Variants in SMDT1 observed in about 807,000 individuals in gnomAD.
SMDT1 encodes the protein single-pass membrane protein with aspartate rich tail 1, also known as essential MCU regulator, mitochondrial.
SMDT1 carries 6 observed loss-of-function variants against 5.9 expected under a neutral mutation model. That is an observed-to-expected ratio of 1.03 (90% CI 0.56 to 2.02). SMDT1 has a LOEUF of 2.02. SMDT1 is among the 30% of genes most tolerant of loss of function. The probability of loss-of-function intolerance (pLI) is 0.00; values close to 1 mark genes in which losing one functional copy is unlikely to be tolerated. For missense variants in SMDT1, 159 were observed against 145.6 expected, an observed-to-expected ratio of 1.09 and a Z score of -0.47; for synonymous variants, 81 against 62.4, an observed-to-expected ratio of 1.30 and a Z score of -1.40.
Position 42,083,167 on chromosome 22 carries a change from A to G in SMDT1, c.*52A>G, listed in dbSNP as rs1261109102. The stretch of plus-strand genomic sequence containing the variant: ...TAACTGAAGAAATGGTGATGCTCTC[A>G]GTTTCTCTGCCTTCCCTATCAGCAG... On this transcript the variant is annotated 3_prime_UTR_variant, in exon 3 of 3. Transcript: ENST00000331479. The G allele has an allele frequency of 1.3e-5, 2 of 152,620 alleles. No individual in the cohort carries two copies. Among genetic ancestry groups the G allele is most frequent in the African/African-American group, 2.4e-5 (1 of 41,444 alleles). The allele number at this position is 152,620 out of a possible 1,614,324, so 9.5% of individuals were successfully genotyped here.
Position 42,081,979 on chromosome 22 carries a change from G to C in SMDT1, c.241G>C (p.Gly81Arg), listed in dbSNP as rs780449487. The C allele has an allele frequency of 6.2e-7, 1 of 1,613,904 alleles. No homozygotes were observed. Among genetic ancestry groups the C allele is most frequent in the South Asian group, 1.1e-5 (1 of 91,080 alleles). The stretch of plus-strand genomic sequence containing the variant: ...CATTGTGATCCCCTTTCTCTATGTC[G>C]GGACACTCATTAGCAAGAACTTTGC... ...FSIVIPFLYV[G>R]TLISKNFAAL... The change falls in exon 2 of 3, where the codon GGG becomes CGG. Residue 81 changes from glycine to arginine, a missense_variant. By Grantham distance (125) the Gly-to-Arg change is moderately radical. Transcript: ENST00000331479.
chr22:42,082,238 G>A, intron 2 of SMDT1, 173 bp downstream of exon 2: 3 of 796,258 alleles, frequency 3.8e-6, no homozygotes, highest in Non-Finnish European at 5.9e-6. Flanking sequence ...TTTCGCTCTT[G>A]TTGCCCAGGC....
chr22:42,082,139 A>G (rs1927837249), intron 2 of SMDT1, 74 bp downstream of exon 2: 2 of 1,575,140 alleles, frequency 1.3e-6, no homozygotes, highest in Admixed American at 1.7e-5. Flanking sequence ...CTGGCCTGGT[A>G]GCAGCATTTG....
At chr22:42,082,856 C>T (rs971711579) in intron 2 of SMDT1, among the ~76,000 whole-genome samples, 19 of 152,276 alleles carry the variant, frequency 1.2e-4, no homozygotes, top group African/African-American at 3.1e-4. Context: ...TTCAAATACT[C>T]GGTATTATGT....
At position 42,084,131 on chromosome 22, in the gene SMDT1, G is replaced by T. The variant is rs968075399; in HGVS notation, c.*1016G>T. The T allele has an allele frequency of 6.6e-6, 1 of 152,228 alleles. No homozygotes were observed. The highest frequency in any genetic ancestry group is 1.5e-5 in the Non-Finnish European group (1 of 68,062). 9.4% of individuals were successfully genotyped at this position (152,228 alleles called of 1,614,324 possible). ...TCTCCATAAAAGGCCCAAGAAGACAGGTTTAGAGAGCTTTCGGAGAACAGA... is the reference window on the plus strand; with the variant it reads ...TCTCCATAAAAGGCCCAAGAAGACATGTTTAGAGAGCTTTCGGAGAACAGA... On this transcript the variant is annotated 3_prime_UTR_variant, in exon 3 of 3. Transcript: ENST00000331479.
At chr22:42,082,323 T>A (rs2146863641) in intron 2 of SMDT1, 1 of 411,094 alleles carries the variant, frequency 2.4e-6, no homozygotes, top group Non-Finnish European at 4.5e-6. Flanking sequence ...TGCCTCAGCC[T>A]ACCGGGTAGC....
chr22:42,082,275 C>T (rs917192315), intron 2 of SMDT1: 3 of 552,644 alleles, frequency 5.4e-6, no homozygotes, highest in Middle Eastern at 4.9e-4. Context: ...GATCTCGACT[C>T]ACTGCAACCT....
chr22:42,081,514 G>A (rs1927783687), intron 1 of SMDT1, among the ~76,000 whole-genome samples: 1 of 149,996 alleles, frequency 6.7e-6, no homozygotes, highest in African/African-American at 2.5e-5. Flanking sequence ...AGGCTGGAGT[G>A]GAATGGTGCA....
rs1927644070 is a variant in SMDT1 at position 42,079,971 on chromosome 22, A to T, written c.186+17A>T. 6.2e-7 allele frequency: 1 copy of T among 1,603,566 alleles called. No homozygotes were observed. The highest frequency in any genetic ancestry group is 1.3e-5 in the African/African-American group (1 of 74,654). The stretch of plus-strand genomic sequence containing the variant: ...CCGGTGAAAGTGAGTGTCCTCCTGG[A>T]GACGGGGCGAAGGGGCTGAGGCCAA... On this transcript the variant is annotated intron_variant, in intron 1 of 2. Coordinates refer to ENST00000331479, the MANE Select transcript of SMDT1 (RefSeq NM_033318.5).
Position 42,084,020 on chromosome 22 carries a change from A to C in SMDT1, c.*905A>C, listed in dbSNP as rs1927988622. 1 of 151,900 alleles carries C rather than the reference A, an allele frequency of 6.6e-6. No homozygotes were observed. The allele number at this position is 151,900 out of a possible 1,614,324, so 9.4% of individuals were successfully genotyped here. A position where few individuals can be genotyped will look rare whatever the true frequency, so the allele number is the denominator to read the frequency against. ...TAGACAGGCCTTGTTGGACTTCCCC[A>C]CTCCATCTGTATTAGATTATGCCTC... On this transcript the variant is annotated 3_prime_UTR_variant, in exon 3 of 3. Transcript: ENST00000331479.
At chr22:42,080,389 G>A (rs1280593589) in intron 1 of SMDT1, among the ~76,000 whole-genome samples, 1 of 152,186 alleles carries the variant, frequency 6.6e-6, no homozygotes, top group Non-Finnish European at 1.5e-5. Flanking sequence ...TTTAATTCAT[G>A]TGATTTACAG....
intron 1 of SMDT1, among the ~76,000 whole-genome samples, chr22:42,080,618 A>T (rs781218065): frequency 6.6e-6 from 1 of 152,228 alleles, no homozygotes; most frequent in Non-Finnish European, 1.5e-5. Context: ...ATATCAAGCG[A>T]AAGTTTGCTT....
rs777853404 is a variant in SMDT1 at position 42,079,930 on chromosome 22, C to T, written c.162C>T (p.Gly54=). The part of the protein sequence containing the change: ...PSRSVIVTRS[G]AILPKPVKMS... Reference sequence around the variant, plus strand: ...GGTCAGTCATCGTTACCCGCAGCGGCGCCATTTTGCCCAAACCGGTGAAAG... The same window carrying T: ...GGTCAGTCATCGTTACCCGCAGCGGTGCCATTTTGCCCAAACCGGTGAAAG... Residue 54 remains glycine (G), a synonymous_variant, in exon 1 of 3, where the codon GGC becomes GGT. Transcript: ENST00000331479. 6.2e-6 allele frequency: 10 copies of T among 1,612,894 alleles called. No homozygotes were observed. In the Admixed American group the frequency reaches 1.5e-4, roughly 24 times the overall value.
At chr22:42,082,224 G>A (rs955739838) in intron 2 of SMDT1, 159 bp downstream of exon 2, 2 of 901,916 alleles carry the variant, frequency 2.2e-6, no homozygotes, top group African/African-American at 1.7e-5. Context: ...TTTTTGAGAC[G>A]GAGTTTCGCT....
intron 1 of SMDT1, among the ~76,000 whole-genome samples, chr22:42,081,339 G>C (rs1927768194): frequency 6.6e-6 from 1 of 152,030 alleles, no homozygotes; most frequent in African/African-American, 2.4e-5. Flanking sequence ...CTAATTTTTT[G>C]TATTTTTAGT....
At chr22:42,082,345 A>G (rs2146863670) in intron 2 of SMDT1, 1 of 355,442 alleles carries the variant, frequency 2.8e-6, no homozygotes. Flanking sequence ...GGGATTACAG[A>G]CATGCGCCAC....
intron 2 of SMDT1, 117 bp downstream of exon 2, chr22:42,082,182 C>T: frequency 7.7e-7 from 1 of 1,300,586 alleles, no homozygotes; most frequent in Non-Finnish European, 1.1e-6. Context: ...ATGAATTGGC[C>T]CACTTGGTGG....
intron 1 of SMDT1, among the ~76,000 whole-genome samples, chr22:42,080,156 C>T (rs1927666414): frequency 6.6e-6 from 1 of 152,094 alleles, no homozygotes; most frequent in Non-Finnish European, 1.5e-5. Flanking sequence ...GGGGGGCAAA[C>T]GCTGAGGAAG....
chr22:42,079,860 T>C lies in SMDT1; in HGVS notation c.92T>C (p.Val31Ala). 1.9e-6 allele frequency: 3 copies of C among 1,614,116 alleles called. No homozygotes were observed. The highest frequency in any genetic ancestry group is 2.5e-6 in the Non-Finnish European group (3 of 1,180,012). The change falls in exon 1 of 3, where the codon GTC becomes GCC. Residue 31 changes from valine (V) to alanine (A), a missense_variant. By Grantham distance (64) the Val-to-Ala change is moderately conservative. Coordinates refer to ENST00000331479, the MANE Select transcript of SMDT1 (RefSeq NM_033318.5). Reference protein sequence around the residue: ...SGPSLRKDGDVSAAWSGSGRS... With the variant: ...SGPSLRKDGDASAAWSGSGRS... ...CCTAGCTTGAGGAAAGATGGCGATGTCTCCGCCGCATGGAGCGGCTCAGGC... is the reference window on the plus strand; with the variant it reads ...CCTAGCTTGAGGAAAGATGGCGATGCCTCCGCCGCATGGAGCGGCTCAGGC...
Sources: allele counts gnomAD v4.1 joint callset (sites outside exome capture counted in the v4.1 genomes callset), GRCh38; gene constraint gnomAD v4.1.1; transcripts MANE v1.5; gene names NCBI Gene and HGNC (gene_info 2026-07-23, HGNC 2026-07-21).